AMMECR1: variants seen among roughly 807,000 people sequenced by gnomAD.
AMMECR1 encodes nuclear protein AMMECR1.
A neutral mutation model predicts 22.5 loss-of-function variants in AMMECR1; 3 were observed. The observed-to-expected ratio is 0.13, with a 90% CI of 0.06 to 0.35. AMMECR1 has a LOEUF of 0.35. Ranked by LOEUF, AMMECR1 falls within the 10% of genes least tolerant of loss-of-function variation. The pLI, the probability that AMMECR1 is intolerant of heterozygous loss-of-function variation, is 1.00. For synonymous variants in AMMECR1, 130 were observed against 116.7 expected, an observed-to-expected ratio of 1.11 and a Z score of -0.74; for missense variants, 235 against 278.7, an observed-to-expected ratio of 0.84 and a Z score of 1.12.
intron 2 of AMMECR1, among the ~76,000 whole-genome samples, chrX:110,261,290 C>T (rs1427521316): frequency 1.8e-5 from 2 of 111,340 alleles, no homozygotes; most frequent in Admixed American, 9.5e-5. Flanking sequence ...ACAGATGAAC[C>T]GGATATTTGA....
intron 2 of AMMECR1, among the ~76,000 whole-genome samples, chrX:110,423,039 C>A (rs1174635245): frequency 1.8e-5 from 2 of 111,983 alleles, no homozygotes; most frequent in Non-Finnish European, 3.8e-5. Flanking sequence ...ATAAAGAAGA[C>A]AGAGGAGGCC....
intron 2 of AMMECR1, 151 bp downstream of exon 2, chrX:110,264,338 A>T: frequency 2.7e-6 from 1 of 376,008 alleles, no homozygotes; most frequent in Non-Finnish European, 4.8e-6. Context: ...TTACCAGAGA[A>T]AAGGTAAATG....
At chrX:110,249,611 G>A (rs1052362728) in intron 2 of AMMECR1, among the ~76,000 whole-genome samples, 24 of 111,748 alleles carry the variant, frequency 2.1e-4, no homozygotes, top group African/African-American at 7.2e-4. Flanking sequence ...TTAAAGAAAA[G>A]GGAAATCTGG....
chrX:110,346,440 T>C (rs2068189371), intron 2 of AMMECR1, among the ~76,000 whole-genome samples: 1 of 112,437 alleles, frequency 8.9e-6, no homozygotes, highest in East Asian at 2.8e-4. Context: ...ACTAATATGA[T>C]ATTGCTAAAT....
intron 2 of AMMECR1, among the ~76,000 whole-genome samples, chrX:110,389,707 A>G (rs1184885737): frequency 9.1e-6 from 1 of 110,057 alleles, no homozygotes; most frequent in Non-Finnish European, 1.9e-5. Flanking sequence ...GATAGAAAGG[A>G]AGGGAGGAAG....
chrX:110,384,102 T>C (rs760132192), intron 2 of AMMECR1, among the ~76,000 whole-genome samples: 18 of 112,219 alleles, frequency 1.6e-4, no homozygotes, highest in African/African-American at 5.5e-4. Context: ...GTATATGTAA[T>C]ATACATGTGT....
intron 3 of AMMECR1, among the ~76,000 whole-genome samples, chrX:110,207,968 C>T (rs1312618510): frequency 9.0e-6 from 1 of 110,971 alleles, no homozygotes; most frequent in African/African-American, 3.3e-5. Context: ...GACTCTGTCT[C>T]TAAAAAACAA....
At chrX:110,204,588 C>T (rs1296581157) in intron 3 of AMMECR1, among the ~76,000 whole-genome samples, 1 of 111,671 alleles carries the variant, frequency 9.0e-6, no homozygotes, top group Non-Finnish European at 1.9e-5. Flanking sequence ...TGGCTACATA[C>T]TAAGATTTTT....
At chrX:110,272,599 G>A (rs1443285055) in intron 1 of AMMECR1, among the ~76,000 whole-genome samples, 3 of 111,899 alleles carry the variant, frequency 2.7e-5, no homozygotes, top group African/African-American at 9.7e-5. Context: ...GGTTTCTAGT[G>A]TACCCATTAA....
chrX:110,223,450 T>C (rs1279115913), intron 2 of AMMECR1, among the ~76,000 whole-genome samples: 1 of 111,896 alleles, frequency 8.9e-6, no homozygotes, highest in Non-Finnish European at 1.9e-5. Context: ...TCTCGAGGCC[T>C]TGGCAAGAAA....
intron 2 of AMMECR1, among the ~76,000 whole-genome samples, chrX:110,325,981 T>C (rs1048070602): frequency 9.0e-6 from 1 of 111,284 alleles, no homozygotes; most frequent in Non-Finnish European, 1.9e-5. Context: ...CCTTTTTCTT[T>C]TGGTTTTGTT....
intron 2 of AMMECR1, among the ~76,000 whole-genome samples, chrX:110,242,995 G>A (rs775596441): frequency 7.2e-5 from 8 of 111,621 alleles, no homozygotes; most frequent in East Asian, 5.6e-4. Flanking sequence ...AATAGCAACC[G>A]CCCTGTCATT....
intron 2 of AMMECR1, among the ~76,000 whole-genome samples, chrX:110,233,075 T>C (rs745308081): frequency 1.8e-5 from 2 of 108,895 alleles, no homozygotes; most frequent in Admixed American, 2.0e-4. Flanking sequence ...TCAACAAAAC[T>C]GATAGACCGC....
intron 3 of AMMECR1, among the ~76,000 whole-genome samples, chrX:110,203,445 A>G (rs1344464915): frequency 2.7e-5 from 3 of 111,970 alleles, no homozygotes; most frequent in Non-Finnish European, 5.6e-5. Context: ...AATAGTATAC[A>G]GAGCTAAAGA....
intron 2 of AMMECR1, among the ~76,000 whole-genome samples, chrX:110,236,657 A>G (rs1300715102): frequency 8.9e-6 from 1 of 112,501 alleles, no homozygotes; most frequent in East Asian, 2.8e-4. Context: ...TATTTAGTGA[A>G]TGAATGAAGG....
intron 2 of AMMECR1, among the ~76,000 whole-genome samples, chrX:110,254,293 A>G (rs749974130): frequency 8.9e-6 from 1 of 111,955 alleles, no homozygotes; most frequent in African/African-American, 3.2e-5. Context: ...TCTTACAAAC[A>G]TATTACATAT....
intron 2 of AMMECR1, among the ~76,000 whole-genome samples, chrX:110,361,218 A>G (rs999821358): frequency 1.1e-4 from 12 of 111,234 alleles, no homozygotes; most frequent in Admixed American, 1.1e-3. Flanking sequence ...AGACCTAGGA[A>G]TCAATCTTGA....
At chrX:110,279,469 TG>T (rs2067841855) in intron 1 of AMMECR1, among the ~76,000 whole-genome samples, 1 of 112,333 alleles carries the variant, frequency 8.9e-6, no homozygotes, top group African/African-American at 3.2e-5. Context: ...ATATAATACA[TG>T]TAAGAGTCTA....
At chrX:110,266,682 G>A (rs1438787343) in intron 1 of AMMECR1, among the ~76,000 whole-genome samples, 1 of 108,580 alleles carries the variant, frequency 9.2e-6, no homozygotes, top group Non-Finnish European at 1.9e-5. Flanking sequence ...TGCCCAGCCT[G>A]TCTCTTTTTT....
Sources: allele counts gnomAD v4.1 joint callset (sites outside exome capture counted in the v4.1 genomes callset), GRCh38; gene constraint gnomAD v4.1.1; transcripts MANE v1.5; gene names NCBI Gene and HGNC (gene_info 2026-07-23, HGNC 2026-07-21).